Variants in TMEM178B observed in about 807,000 individuals in gnomAD.
TMEM178B encodes transmembrane protein 178B.
Under a neutral mutation model 31.0 loss-of-function variants are expected in TMEM178B, and 5 were observed. That is an observed-to-expected ratio of 0.16 (90% confidence interval 0.08 to 0.34). The LOEUF is 0.34. TMEM178B is among the 10% of genes least tolerant of loss of function. The pLI, the probability that TMEM178B is intolerant of heterozygous loss-of-function variation, is 1.00. For synonymous variants in TMEM178B, 164 were observed against 164.0 expected, an observed-to-expected ratio of 1.00 and a Z score of 0.00; for missense variants, 275 against 400.3, an observed-to-expected ratio of 0.69 and a Z score of 2.67.
At chr7:141,089,324 C>T (rs1426250453) in intron 1 of TMEM178B, among the ~76,000 whole-genome samples, 4 of 152,054 alleles carry the variant, frequency 2.6e-5, no homozygotes, top group Admixed American at 2.0e-4. Context: ...GGTAGGGGGC[C>T]GAGATGGGGA....
chr7:141,103,096 T>G (rs1439876475), intron 1 of TMEM178B, among the ~76,000 whole-genome samples: 1 of 152,190 alleles, frequency 6.6e-6, no homozygotes, highest in Non-Finnish European at 1.5e-5. Context: ...ATTTGTGGGT[T>G]TTCCCTACTG....
chr7:141,192,609 C>T (rs891637303), intron 1 of TMEM178B, among the ~76,000 whole-genome samples: 3 of 152,026 alleles, frequency 2.0e-5, no homozygotes, highest in African/African-American at 2.4e-5. Flanking sequence ...CGACTACAGG[C>T]GCTTGCCACC....
chr7:141,083,217 G>A (rs1461517523), intron 1 of TMEM178B, among the ~76,000 whole-genome samples: 1 of 152,174 alleles, frequency 6.6e-6, no homozygotes, highest in African/African-American at 2.4e-5. Flanking sequence ...GAGGAAGGGT[G>A]TGACTTGGTG....
chr7:141,449,247 A>G (rs1801817839), intron 3 of TMEM178B, among the ~76,000 whole-genome samples: 1 of 152,176 alleles, frequency 6.6e-6, no homozygotes, highest in Non-Finnish European at 1.5e-5. Flanking sequence ...TCTGAAGTAA[A>G]TGGAGAGACC....
intron 1 of TMEM178B, among the ~76,000 whole-genome samples, chr7:141,089,346 G>T (rs936295171): frequency 6.6e-6 from 1 of 152,200 alleles, no homozygotes; most frequent in Non-Finnish European, 1.5e-5. Flanking sequence ...GAGGCTTCCA[G>T]ACAAAGGAAG....
At chr7:141,179,966 C>T (rs1231044990) in intron 1 of TMEM178B, among the ~76,000 whole-genome samples, 4 of 152,212 alleles carry the variant, frequency 2.6e-5, no homozygotes, top group South Asian at 2.1e-4. Context: ...ACTTTCAGTG[C>T]CCCATGCTCC....
chr7:141,287,984 C>T (rs765031910), intron 2 of TMEM178B, among the ~76,000 whole-genome samples: 1 of 151,884 alleles, frequency 6.6e-6, no homozygotes, highest in Non-Finnish European at 1.5e-5. Flanking sequence ...TTGTTTTTTT[C>T]CCCCCCAATA....
At chr7:141,121,243 A>C (rs1475794478) in intron 1 of TMEM178B, among the ~76,000 whole-genome samples, 2 of 152,158 alleles carry the variant, frequency 1.3e-5, no homozygotes, top group Non-Finnish European at 2.9e-5. Context: ...TTGTTTTCCT[A>C]GAGGTAATAA....
At chr7:141,229,455 C>T (rs1365655249) in intron 2 of TMEM178B, among the ~76,000 whole-genome samples, 1 of 152,094 alleles carries the variant, frequency 6.6e-6, no homozygotes, top group African/African-American at 2.4e-5. Flanking sequence ...GGGAAACATC[C>T]TTTTCTTCCT....
At chr7:141,377,004 T>C (rs140836164) in intron 2 of TMEM178B, among the ~76,000 whole-genome samples, 9 of 152,234 alleles carry the variant, frequency 5.9e-5, no homozygotes, top group Non-Finnish European at 1.3e-4. Flanking sequence ...CAAATATATA[T>C]GTACACATAT....
At chr7:141,275,633 C>A (rs937057122) in intron 2 of TMEM178B, among the ~76,000 whole-genome samples, 1 of 152,200 alleles carries the variant, frequency 6.6e-6, no homozygotes, top group East Asian at 1.9e-4. Context: ...AAGTTGCAAA[C>A]CTCTCTGCTT....
intron 1 of TMEM178B, among the ~76,000 whole-genome samples, chr7:141,091,884 T>C (rs1318847710): frequency 6.6e-6 from 1 of 152,088 alleles, no homozygotes; most frequent in African/African-American, 2.4e-5. Context: ...TGTGCCACCA[T>C]GCCTGGCTAA....
chr7:141,241,011 T>A (rs368671478), intron 2 of TMEM178B, among the ~76,000 whole-genome samples: 24 of 125,430 alleles, frequency 1.9e-4, no homozygotes, highest in East Asian at 1.0e-3. Flanking sequence ...TTTTTTTTTT[T>A]AAATTTATTT....
intron 1 of TMEM178B, among the ~76,000 whole-genome samples, chr7:141,089,082 A>G (rs531257938): frequency 6.6e-6 from 1 of 152,268 alleles, no homozygotes; most frequent in Non-Finnish European, 1.5e-5. Flanking sequence ...TGAGTAGGAA[A>G]TAGTTCCAAA....
chr7:141,370,945 A>G (rs1448731978), intron 2 of TMEM178B, among the ~76,000 whole-genome samples: 1 of 152,254 alleles, frequency 6.6e-6, no homozygotes, highest in Non-Finnish European at 1.5e-5. Flanking sequence ...CACGGTTACC[A>G]GGTTCAGGGG....
At chr7:141,222,347 C>T (rs1244532573) in intron 2 of TMEM178B, among the ~76,000 whole-genome samples, 1 of 152,156 alleles carries the variant, frequency 6.6e-6, no homozygotes, top group African/African-American at 2.4e-5. Flanking sequence ...AGGATTCAAG[C>T]CCCATGGAGT....
chr7:141,352,431 G>T (rs1034372000), intron 2 of TMEM178B: 1 of 150,942 alleles, frequency 6.6e-6, no homozygotes, highest in East Asian at 2.0e-4. Flanking sequence ...AGGCTGGAGT[G>T]CAGTGGTGCG....
intron 1 of TMEM178B, among the ~76,000 whole-genome samples, chr7:141,141,158 A>T (rs955180117): frequency 2.0e-5 from 3 of 152,170 alleles, no homozygotes; most frequent in Non-Finnish European, 4.4e-5. Flanking sequence ...ACTCATGAAT[A>T]TTTATTTTAC....
Position 141,347,489 on chromosome 7 carries a change from A to T in TMEM178B, c.497-90119A>T, listed in dbSNP as rs147854485. On this transcript the variant is annotated intron_variant, in intron 2 of 3. Coordinates refer to ENST00000565468, the MANE Select transcript of TMEM178B (RefSeq NM_001195278.2). ...GGAACAGACCACTGTTCAGCTGAAC[A>T]TCCTATGACATAATTGGCTGGCGTT... Among the ~76,000 whole-genome samples the T allele has an allele frequency of 4.6e-4, 70 of 152,262 alleles. 3 individuals carry two copies. The East Asian group carries it at 0.012, about 26-fold the overall frequency.
Sources: allele counts gnomAD v4.1 joint callset (sites outside exome capture counted in the v4.1 genomes callset), GRCh38; gene constraint gnomAD v4.1.1; transcripts MANE v1.5; gene names NCBI Gene and HGNC (gene_info 2026-07-23, HGNC 2026-07-21).